The following CELF2 variants were observed in gnomAD, a reference collection of about 807,000 sequenced individuals.
The protein encoded by CELF2 is CUG triplet repeat RNA-binding protein 2.
A neutral mutation model predicts 62.6 loss-of-function variants in CELF2; 8 were observed. The observed-to-expected ratio is 0.13, with a 90% confidence interval of 0.07 to 0.23. CELF2 has a LOEUF of 0.23. Ranked by LOEUF, CELF2 falls within the 10% of genes least tolerant of loss-of-function variation. CELF2 has a pLI of 1.00. For synonymous variants in CELF2, 258 were observed against 250.0 expected, an observed-to-expected ratio of 1.03 and a Z score of -0.30; for missense variants, 333 against 671.0, an observed-to-expected ratio of 0.50 and a Z score of 5.56.
intron 1 of CELF2, among the ~76,000 whole-genome samples, chr10:11,119,938 T>C (rs1025621911): frequency 2.0e-5 from 3 of 148,822 alleles, no homozygotes; most frequent in Non-Finnish European, 4.4e-5. Context: ...GTTTCATAGG[T>C]ACACTTTGAA....
chr10:10,863,192 G>A (rs781442673), intron 1 of CELF2, among the ~76,000 whole-genome samples: 1 of 152,134 alleles, frequency 6.6e-6, no homozygotes, highest in African/African-American at 2.4e-5. Context: ...CACTGCCCAG[G>A]CTAAAAGAGA....
chr10:10,981,450 C>T (rs1046118779), intron 2 of CELF2, among the ~76,000 whole-genome samples: 2 of 152,156 alleles, frequency 1.3e-5, no homozygotes, highest in Non-Finnish European at 2.9e-5. Flanking sequence ...TCCGCAGCGA[C>T]GGTAATTTGC....
chr10:10,907,863 T>C (rs1192960282), intron 1 of CELF2, among the ~76,000 whole-genome samples: 2 of 152,210 alleles, frequency 1.3e-5, no homozygotes, highest in Non-Finnish European at 2.9e-5. Context: ...TAATGATGGA[T>C]ACCACATTTA....
intron 2 of CELF2, among the ~76,000 whole-genome samples, chr10:10,933,526 T>A (rs1355227145): frequency 2.0e-5 from 3 of 152,134 alleles, no homozygotes; most frequent in Non-Finnish European, 2.9e-5. Context: ...TATTATGCAA[T>A]AGAGCAACAA....
At chr10:11,014,307 T>G (rs1482575496), upstream of CELF2, among the ~76,000 whole-genome samples, 1 of 152,222 alleles carries the variant, frequency 6.6e-6, no homozygotes, top group Non-Finnish European at 1.5e-5. Flanking sequence ...GGCTGATAGC[T>G]ACTGCCTTTT....
chr10:11,328,849 C>A lies in CELF2; in HGVS notation c.1439-77C>A. On this transcript the variant is annotated intron_variant, in intron 12 of 12. Transcript: ENST00000633077. This position sits in a 1 kb window ranked among gnomAD's most constrained non-coding sequence, Gnocchi z 6.4. ...ACCTCATGCTGGCTCTTCAGCCTTCCCCAGAGCTCCAGCCCCCTTTTCTGT... is the reference window on the plus strand; with the variant it reads ...ACCTCATGCTGGCTCTTCAGCCTTCACCAGAGCTCCAGCCCCCTTTTCTGT... 1 of 1,514,798 alleles carries A rather than the reference C, an allele frequency of 6.6e-7. No homozygotes were observed. The highest frequency in any genetic ancestry group is 8.9e-7 in the Non-Finnish European group (1 of 1,122,434). The allele number at this position is 1,514,798 out of a possible 1,614,324, so 93.8% of individuals were successfully genotyped here. A position where few individuals can be genotyped will look rare whatever the true frequency, so the allele number is the denominator to read the frequency against.
rs2080070526 is a variant in CELF2, at chr10:11,260,196, T to C, written c.538+2324T>C. ...GCCCTGCTTCTCTTGCAGGGAGTCATTCACGGCTGGTGTGCTAGCTTTTCG... is the reference window on the plus strand; with the variant it reads ...GCCCTGCTTCTCTTGCAGGGAGTCACTCACGGCTGGTGTGCTAGCTTTTCG... On this transcript the variant is annotated intron_variant, in intron 5 of 12. Coordinates refer to ENST00000633077, the MANE Select transcript of CELF2 (RefSeq NM_001326342.2). The surrounding 1 kb of genome is among the most constrained non-coding windows in gnomAD (Gnocchi z 4.2). Among the ~76,000 whole-genome samples, 1 of 152,254 alleles carries C rather than the reference T, an allele frequency of 6.6e-6. No homozygotes were observed. Among genetic ancestry groups the C allele is most frequent in the Admixed American group, 6.5e-5 (1 of 15,284 alleles).
At chr10:10,656,836 G>C in the CELF2 span, among the ~76,000 whole-genome samples, 59,621 of 140,196 alleles carry the variant, frequency 0.43, 13,109 homozygotes, top group South Asian at 0.69. Flanking sequence ...CTAACCTGCA[G>C]AATGTGCACA....
chr10:11,126,142 C>A (rs768790526), intron 1 of CELF2, among the ~76,000 whole-genome samples: 3 of 152,184 alleles, frequency 2.0e-5, no homozygotes, highest in Admixed American at 6.5e-5. Context: ...AGGATGAGTT[C>A]ATTTACGATG....
the CELF2 span, among the ~76,000 whole-genome samples, chr10:10,734,461 T>A: frequency 1.0e-3 from 153 of 152,334 alleles, 1 homozygote; most frequent in Middle Eastern, 3.4e-3. Context: ...CTCATTTGAC[T>A]CCTGCCCCCA....
the CELF2 span, among the ~76,000 whole-genome samples, chr10:10,788,618 A>G: frequency 6.6e-6 from 1 of 151,840 alleles, no homozygotes; most frequent in East Asian, 1.9e-4. Context: ...GTGTGCCACC[A>G]GGCATGGCTA....
intron 1 of CELF2, among the ~76,000 whole-genome samples, chr10:11,111,779 G>A (rs930490876): frequency 2.6e-5 from 4 of 152,228 alleles, no homozygotes; most frequent in African/African-American, 7.2e-5. Context: ...GAAACTCAGC[G>A]TGTTTCCACA....
At chr10:10,888,834 A>G (rs957694163) in intron 1 of CELF2, among the ~76,000 whole-genome samples, 19 of 152,228 alleles carry the variant, frequency 1.2e-4, no homozygotes, top group Non-Finnish European at 1.2e-4. Flanking sequence ...CACGTTGTAC[A>G]TATATCTTTC....
chr10:10,895,628 C>T (rs2062492029), intron 1 of CELF2, among the ~76,000 whole-genome samples: 1 of 152,134 alleles, frequency 6.6e-6, no homozygotes, highest in Non-Finnish European at 1.5e-5. Flanking sequence ...ATTTATTTTC[C>T]AGTCCCCAAA....
Position 11,329,335 on chromosome 10 carries a change from T to TTTTAA in CELF2, c.*286_*290dup, listed in dbSNP as rs1035780346. 3.2e-5 allele frequency: 7 copies of TTTTAA among 216,376 alleles called. No homozygotes were observed. Among genetic ancestry groups the TTTTAA allele is most frequent in the African/African-American group, 1.6e-4 (7 of 43,678 alleles). 13.4% of individuals were successfully genotyped at this position (216,376 alleles called of 1,614,324 possible). On this transcript the variant is annotated 3_prime_UTR_variant, in exon 13 of 13. Transcript: ENST00000633077. The surrounding 1 kb of genome is among the most constrained non-coding windows in gnomAD (Gnocchi z 5.5). ...GATTTGAATCTCCTTTTACCTTTTT[T>TTTTAA]TTTAATTTTTTTCATTTTTGCTTTT...
the CELF2 span, among the ~76,000 whole-genome samples, chr10:10,686,312 G>GTTT: frequency 4.6e-5 from 2 of 43,826 alleles, no homozygotes; most frequent in African/African-American, 1.7e-4. Flanking sequence ...GGATTTTTTG[G>GTTT]GGGGGGGGGT....
chr10:11,282,960 G>A (rs1167779576), intron 8 of CELF2, among the ~76,000 whole-genome samples: 1 of 152,196 alleles, frequency 6.6e-6, no homozygotes, highest in African/African-American at 2.4e-5. Context: ...AAGACATGGG[G>A]TCTCACTCTG....
At chr10:10,933,428 C>A (rs1338975242) in intron 2 of CELF2, among the ~76,000 whole-genome samples, 1 of 152,148 alleles carries the variant, frequency 6.6e-6, no homozygotes, top group East Asian at 1.9e-4. Context: ...ATACAATTAT[C>A]ATTTCTTTGT....
intron 1 of CELF2, among the ~76,000 whole-genome samples, chr10:10,912,082 TA>T (rs2063860981): frequency 6.6e-6 from 1 of 152,144 alleles, no homozygotes; most frequent in South Asian, 2.1e-4. Flanking sequence ...AGGTACCCCG[TA>T]AATCTTGAGG....
Sources: allele counts gnomAD v4.1 joint callset (sites outside exome capture counted in the v4.1 genomes callset), GRCh38; gene constraint gnomAD v4.1.1; non-coding constraint Gnocchi (gnomAD v3.1); transcripts MANE v1.5; gene names NCBI Gene and HGNC (gene_info 2026-07-23, HGNC 2026-07-21).